The following DOK6 variants were observed in gnomAD, a reference collection of about 807,000 sequenced individuals.
The protein encoded by DOK6 is downstream of tyrosine kinase 6.
A neutral mutation model predicts 44.0 loss-of-function variants in DOK6; 22 were observed. That is an observed-to-expected ratio of 0.50 (90% CI 0.36 to 0.71). The LOEUF (loss-of-function observed/expected upper bound fraction) is 0.71. DOK6 is among the 30% of genes least tolerant of loss of function. The pLI is 0.00. For synonymous variants in DOK6, 166 were observed against 145.5 expected (o/e 1.14, Z -1.01); for missense variants, 340 against 416.4 (o/e 0.82, Z 1.60).
chr18:69,704,103 T>A (rs1986580088), intron 5 of DOK6, among the ~76,000 whole-genome samples: 1 of 152,186 alleles, frequency 6.6e-6, no homozygotes, highest in African/African-American at 2.4e-5. Context: ...GTTGTTTAAG[T>A]CACCCACTCT....
At chr18:69,502,322 A>T (rs2144549293) in intron 1 of DOK6, among the ~76,000 whole-genome samples, 2 of 152,214 alleles carry the variant, frequency 1.3e-5, no homozygotes, top group South Asian at 4.1e-4. Context: ...ACCATGAAAC[A>T]GGAGAGGGTA....
intron 2 of DOK6, among the ~76,000 whole-genome samples, chr18:69,574,993 T>G (rs1402345964): frequency 6.6e-6 from 1 of 152,070 alleles, no homozygotes; most frequent in Non-Finnish European, 1.5e-5. Flanking sequence ...TCAAGTAGAA[T>G]TAATTACTTA....
At chr18:69,576,736 G>T (rs953031418) in intron 2 of DOK6, among the ~76,000 whole-genome samples, 2 of 152,032 alleles carry the variant, frequency 1.3e-5, no homozygotes, top group Non-Finnish European at 2.9e-5. Flanking sequence ...ATGCATTAGG[G>T]TTGAAAATGT....
intron 1 of DOK6, among the ~76,000 whole-genome samples, chr18:69,455,065 A>AAAAAG (rs141466493): frequency 6.7e-6 from 1 of 149,174 alleles, no homozygotes; most frequent in East Asian, 2.0e-4. Flanking sequence ...ATAATAAAAA[A>AAAAAG]AAAAGAAAAG....
At chr18:69,604,416 C>T (rs1983947335) in intron 3 of DOK6, among the ~76,000 whole-genome samples, 1 of 152,120 alleles carries the variant, frequency 6.6e-6, no homozygotes, top group Middle Eastern at 3.4e-3. Context: ...TCTTAACTTC[C>T]CAGAGAAGAA....
intron 2 of DOK6, among the ~76,000 whole-genome samples, chr18:69,579,620 G>A (rs1396276355): frequency 6.6e-6 from 1 of 151,600 alleles, no homozygotes; most frequent in African/African-American, 2.4e-5. Flanking sequence ...CTGGAGTGTA[G>A]TGGCACGATG....
At chr18:69,725,700 C>T (rs1026020413) in intron 5 of DOK6, among the ~76,000 whole-genome samples, 1 of 152,272 alleles carries the variant, frequency 6.6e-6, no homozygotes, top group East Asian at 1.9e-4. Context: ...GTTGGCCAAG[C>T]TGGTCTCGAA....
intron 1 of DOK6, among the ~76,000 whole-genome samples, chr18:69,438,051 G>A (rs897210596): frequency 6.6e-6 from 1 of 152,196 alleles, no homozygotes; most frequent in Non-Finnish European, 1.5e-5. Context: ...TTGCCTCAAT[G>A]TTGATGGCTG....
At chr18:69,448,809 CTATT>C (rs1024307340) in intron 1 of DOK6, among the ~76,000 whole-genome samples, 1 of 152,174 alleles carries the variant, frequency 6.6e-6, no homozygotes. Context: ...GACATATTTA[CTATT>C]TATTCTACCA....
chr18:69,805,669 T>C (rs558346889), intron 7 of DOK6, among the ~76,000 whole-genome samples: 2 of 152,050 alleles, frequency 1.3e-5, no homozygotes, highest in Non-Finnish European at 2.9e-5. Flanking sequence ...AAACAGACCA[T>C]AGTATTTCCA....
intron 1 of DOK6, among the ~76,000 whole-genome samples, chr18:69,510,216 A>C (rs985361519): frequency 6.6e-6 from 1 of 152,228 alleles, no homozygotes; most frequent in African/African-American, 2.4e-5. Flanking sequence ...AGTTTATTAC[A>C]CTGAATTGGA....
chr18:69,835,189 G>A (rs187166413), intron 7 of DOK6, among the ~76,000 whole-genome samples: 3 of 152,258 alleles, frequency 2.0e-5, no homozygotes, highest in African/African-American at 7.2e-5. Flanking sequence ...TGGGCCGGGC[G>A]CGGTGGCTCA....
intron 4 of DOK6, among the ~76,000 whole-genome samples, chr18:69,684,955 G>GGCGCATACAAATGAGATAAGATGACCC (rs1986119427): frequency 6.6e-6 from 1 of 152,082 alleles, no homozygotes; most frequent in African/African-American, 2.4e-5. Flanking sequence ...TTGGCATACA[G>GGCGCATACAAATGAGATAAGATGACCC]GCGCATACAA....
At chr18:69,588,308 A>C (rs2144614980) in intron 2 of DOK6, among the ~76,000 whole-genome samples, 1 of 152,350 alleles carries the variant, frequency 6.6e-6, no homozygotes, top group Non-Finnish European at 1.5e-5. Flanking sequence ...TTATAGCAGA[A>C]AAAGAAACTG....
At chr18:69,444,269 G>T (rs947487689) in intron 1 of DOK6, among the ~76,000 whole-genome samples, 1 of 152,134 alleles carries the variant, frequency 6.6e-6, no homozygotes, top group Admixed American at 6.5e-5. Flanking sequence ...TGGTTCACTT[G>T]CAATGTAGCT....
chr18:69,803,704 T>C (rs1404954555), intron 7 of DOK6, among the ~76,000 whole-genome samples: 1 of 151,912 alleles, frequency 6.6e-6, no homozygotes, highest in African/African-American at 2.4e-5. Context: ...CTACTAAAAA[T>C]ACAAAAAAGC....
chr18:69,707,609 A>G (rs1057474830), intron 5 of DOK6, among the ~76,000 whole-genome samples: 4 of 152,186 alleles, frequency 2.6e-5, no homozygotes, highest in African/African-American at 9.6e-5. Context: ...GGTTTATGCA[A>G]CTGGAACTGA....
intron 1 of DOK6, among the ~76,000 whole-genome samples, chr18:69,435,095 G>GGAAGGAAAA (rs1978939810): frequency 6.7e-6 from 1 of 148,222 alleles, no homozygotes; most frequent in African/African-American, 2.5e-5. Context: ...AGGAAGGAAA[G>GGAAGGAAAA]AAGGAAGAAA....
chr18:69,445,159 T>C (rs1979249570), intron 1 of DOK6, among the ~76,000 whole-genome samples: 1 of 152,206 alleles, frequency 6.6e-6, no homozygotes. Flanking sequence ...TGATTTTTTG[T>C]GTGTTGATCT....
Sources: gnomAD v4.1 joint callset for allele counts (sites outside exome capture counted in the v4.1 genomes callset) on GRCh38, gnomAD v4.1.1 for gene constraint, MANE v1.5 for transcripts, NCBI Gene and HGNC (gene_info 2026-07-23, HGNC 2026-07-21) for gene names.